Variants in PCM1 observed in about 807,000 individuals in gnomAD.
PCM1 encodes the protein pericentriolar material 1, also known as pericentriolar material 1 protein.
PCM1 carries 157 observed loss-of-function variants against 241.9 expected under a neutral mutation model. The ratio of observed to expected loss-of-function variants is 0.65; its 90% CI spans 0.57 to 0.74. The LOEUF (loss-of-function observed/expected upper bound fraction) is 0.74. Among genes scored for constraint, PCM1 ranks in the 30% least tolerant of loss-of-function variants. The probability of loss-of-function intolerance (pLI) is 0.00; values close to 1 mark genes in which losing one functional copy is unlikely to be tolerated. For synonymous variants in PCM1, 1,085 were observed against 784.9 expected (o/e 1.38, Z -6.39); for missense variants, 3,478 against 2,360.1 (o/e 1.47, Z -9.81).
At chr8:17,931,061 G>C (rs957326787) in intron 2 of PCM1, among the ~76,000 whole-genome samples, 1 of 152,022 alleles carries the variant, frequency 6.6e-6, no homozygotes, top group African/African-American at 2.4e-5. Context: ...TGTTCATTTT[G>C]CCAACCTGAT....
At chr8:17,981,907 A>G (rs1426922207) in intron 24 of PCM1, among the ~76,000 whole-genome samples, 1,499 of 11,364 alleles carry the variant, frequency 0.13, 23 homozygotes, top group African/African-American at 0.39. Context: ...CAAAAGGGGA[A>G]AAAAAAAAAA....
Position 17,966,079 on chromosome 8 carries a change from A to T in PCM1, c.2936A>T (p.Gln979Leu). ...ACAAGGCAACAGAATATCAGCATGC[A>T]ACGGCAAGAAAACCTTCGTTGGGTG... ...AKTRQQNISM[Q>L]RQENLRWVSE... The change falls in exon 19 of 39, where the codon CAA (glutamine) becomes CTA (leucine). Residue 979 changes from glutamine (Q) to leucine (L), a missense_variant. Gln to Leu is a moderately radical substitution (Grantham distance 113). Transcript: ENST00000325083. The T allele has an allele frequency of 6.2e-7, 1 of 1,613,982 alleles. No homozygotes were observed. Among genetic ancestry groups the T allele is most frequent in the East Asian group, 2.2e-5 (1 of 44,866 alleles).
At chr8:17,959,644 A>G (rs1194232507) in intron 13 of PCM1, among the ~76,000 whole-genome samples, 3 of 152,140 alleles carry the variant, frequency 2.0e-5, no homozygotes, top group African/African-American at 4.8e-5. Flanking sequence ...AATTTTTGAT[A>G]TGTATTCATA....
chr8:17,929,855 A>T (rs2058405631), intron 2 of PCM1, among the ~76,000 whole-genome samples: 1 of 152,218 alleles, frequency 6.6e-6, no homozygotes, highest in Non-Finnish European at 1.5e-5. Context: ...AATAACTAAT[A>T]AGACAGAATA....
intron 13 of PCM1, among the ~76,000 whole-genome samples, chr8:17,958,861 A>G (rs1210145575): frequency 6.6e-6 from 1 of 152,070 alleles, no homozygotes; most frequent in Non-Finnish European, 1.5e-5. Flanking sequence ...AGCTGGAATT[A>G]CAGATGTGTA....
chr8:18,029,181 A>T lies in PCM1; in HGVS notation c.*1519A>T, dbSNP rs2094397428. 3 of 188,970 alleles carry T rather than the reference A, an allele frequency of 1.6e-5. No individual in the cohort carries two copies. Among genetic ancestry groups the T allele is most frequent in the Non-Finnish European group, 3.3e-5 (3 of 89,746 alleles). The allele number at this position is 188,970 out of a possible 1,614,324, so 11.7% of individuals were successfully genotyped here. A position where few individuals can be genotyped will look rare whatever the true frequency, so the allele number is the denominator to read the frequency against. On this transcript the variant is annotated 3_prime_UTR_variant, in exon 39 of 39. Coordinates refer to ENST00000325083, the MANE Select transcript of PCM1 (RefSeq NM_006197.4). ...CAAAAAAAAAAAAAAAAAAAAAAAAAAGTTAACTTGCTGTATACCTCAGTG... is the reference window on the plus strand; with the variant it reads ...CAAAAAAAAAAAAAAAAAAAAAAAATAGTTAACTTGCTGTATACCTCAGTG...
rs953140555 is a variant in PCM1 at position 18,018,587 on chromosome 8, C to T, written c.5841+3747C>T. On this transcript the variant is annotated intron_variant, in intron 36 of 38. Coordinates refer to ENST00000325083, the MANE Select transcript of PCM1 (RefSeq NM_006197.4). ...CAGCACTTTGGGAGGCCGAGGCGGG[C>T]GGATCAGGAGGTCAAGAGATTGAGA... is the stretch of plus-strand genomic sequence containing the variant. Among the ~76,000 whole-genome samples, 143 of 151,906 alleles carry T rather than the reference C, an allele frequency of 9.4e-4. 2 individuals are homozygous for T. Among genetic ancestry groups the T allele is most frequent in the Admixed American group, 3.3e-4 (5 of 15,238 alleles).
At position 17,967,167 on chromosome 8, in the gene PCM1, C is replaced by G; in HGVS notation, c.3409C>G (p.Pro1137Ala). 6.3e-7 allele frequency: 1 copy of G among 1,581,694 alleles called. No homozygotes were observed. Among genetic ancestry groups the G allele is most frequent in the Non-Finnish European group, 8.6e-7 (1 of 1,161,362 alleles). Residue 1137 changes from proline (P) to alanine (A), a missense_variant, in exon 21 of 39, where the codon CCA becomes GCA. By Grantham distance (27) the Pro-to-Ala change is conservative. Transcript: ENST00000325083. ...PGFTNFSSFA[P>A]GMNFSPLFPS... ...ATTTACTAACTTTTCATCATTTGCA[C>G]CAGGTAGGTGACTTAACCTAAAGAG... is the stretch of plus-strand genomic sequence containing the variant.
At chr8:17,993,650 CCTT>C (rs778269291) in intron 29 of PCM1, 31 bp downstream of exon 29, 2 of 1,534,100 alleles carry the variant, frequency 1.3e-6, no homozygotes, top group Non-Finnish European at 8.8e-7. Context: ...ATAAACGAAA[CCTT>C]CTATGTTTTG....
At position 18,028,606 on chromosome 8, in the gene PCM1, T is replaced by C. The variant is rs1240367787; in HGVS notation, c.*944T>C. 1 of 207,896 alleles carries C rather than the reference T, an allele frequency of 4.8e-6. No homozygotes were observed. The highest frequency in any genetic ancestry group is 9.8e-6 in the Non-Finnish European group (1 of 102,046). The allele number at this position is 207,896 out of a possible 1,614,324, so 12.9% of individuals were successfully genotyped here. On this transcript the variant is annotated 3_prime_UTR_variant, in exon 39 of 39. Coordinates refer to ENST00000325083, the MANE Select transcript of PCM1 (RefSeq NM_006197.4). Reference sequence around the variant, plus strand: ...TTGTGTGTAGTGAGGTTGAAGCAGATTTGCAGGTGAAGTATTGAAAGTTTA... The same window carrying C: ...TTGTGTGTAGTGAGGTTGAAGCAGACTTGCAGGTGAAGTATTGAAAGTTTA...
At chr8:17,981,716 C>T (rs999528680) in intron 24 of PCM1, among the ~76,000 whole-genome samples, 5 of 152,072 alleles carry the variant, frequency 3.3e-5, no homozygotes, top group Admixed American at 3.3e-4. Context: ...CCTCATAATG[C>T]TGAGTTGGTT....
chr8:17,989,823 G>C, intron 26 of PCM1, 36 bp from the exon 27 acceptor site: 1 of 1,368,588 alleles, frequency 7.3e-7, no homozygotes, highest in Non-Finnish European at 1.0e-6. Flanking sequence ...ATTCTTAGAA[G>C]TATTAGTGAT....
chr8:17,947,189 A>C lies in PCM1; in HGVS notation c.787A>C (p.Arg263=). The change falls in exon 7 of 39, where the codon AGA becomes CGA. Residue 263 remains arginine (R), a synonymous_variant. Transcript: ENST00000325083. Reference sequence around the variant, plus strand: ...TATTGTTGGTCTTATTTTCCAGGCCAGAGATCCTCAGCAGGAGCCTATGGA... The same window carrying C: ...TATTGTTGGTCTTATTTTCCAGGCCCGAGATCCTCAGCAGGAGCCTATGGA... ...YMKFLKKILA[R]DPQQEPMEEI... is the part of the protein sequence containing the mutation. The C allele has an allele frequency of 1.3e-6, 2 of 1,587,118 alleles. No individual in the cohort carries two copies. The highest frequency in any genetic ancestry group is 1.7e-6 in the Non-Finnish European group (2 of 1,164,326).
At chr8:18,011,572 T>TA (rs2129485602) in intron 33 of PCM1, 95 bp from the exon 34 acceptor site, 4 of 1,202,062 alleles carry the variant, frequency 3.3e-6, no homozygotes, top group Admixed American at 2.7e-5. Context: ...ATACTGTATA[T>TA]AAAGCATCTG....
At chr8:17,942,480 T>TA (rs2062426475) in intron 6 of PCM1, among the ~76,000 whole-genome samples, 1 of 151,998 alleles carries the variant, frequency 6.6e-6, no homozygotes, top group South Asian at 2.1e-4. Context: ...GAAATAAAAA[T>TA]AAATAAATTT....
Position 18,014,740 on chromosome 8 carries a change from T to C in PCM1, c.5741T>C (p.Leu1914Ser), listed in dbSNP as rs768174366. 1 of 1,612,964 alleles carries C rather than the reference T, an allele frequency of 6.2e-7. No homozygotes were observed. Among genetic ancestry groups the C allele is most frequent in the African/African-American group, 1.3e-5 (1 of 75,046 alleles). The change falls in exon 36 of 39, where the codon TTA becomes TCA. Residue 1914 changes from leucine to serine, a missense_variant. Physicochemically the swap from Leu to Ser is moderately radical, Grantham distance 145. Transcript: ENST00000325083. Reference protein sequence around the residue: ...LPLRLPEMEPLVPRVKEVKSA... With the variant: ...LPLRLPEMEPSVPRVKEVKSA... Reference sequence around the variant, plus strand: ...TTACGTTTACCTGAAATGGAACCCTTAGTGCCTAGAGTCAAAGAAGTTAAA... The same window carrying C: ...TTACGTTTACCTGAAATGGAACCCTCAGTGCCTAGAGTCAAAGAAGTTAAA...
intron 22 of PCM1, among the ~76,000 whole-genome samples, chr8:17,971,457 C>T (rs1175973233): frequency 6.6e-6 from 1 of 152,122 alleles, no homozygotes; most frequent in Non-Finnish European, 1.5e-5. Flanking sequence ...TGTGTTTTCT[C>T]CCCAACCTAG....
chr8:18,007,836 T>C (rs1000898269), intron 30 of PCM1, among the ~76,000 whole-genome samples: 1 of 152,100 alleles, frequency 6.6e-6, no homozygotes, highest in Admixed American at 6.6e-5. Context: ...GATAAGATAG[T>C]CTTTTGGTGG....
chr8:17,937,517 T>C (rs2060760763), intron 4 of PCM1, 138 bp downstream of exon 4: 3 of 698,896 alleles, frequency 4.3e-6, no homozygotes, highest in Non-Finnish European at 6.9e-6. Context: ...GGAAAGAATT[T>C]TAATCACTGG....
Sources: gnomAD v4.1 joint callset for allele counts (sites outside exome capture counted in the v4.1 genomes callset) on GRCh38, gnomAD v4.1.1 for gene constraint, MANE v1.5 for transcripts, NCBI Gene and HGNC (gene_info 2026-07-23, HGNC 2026-07-21) for gene names.